The following COX7B2 variants were observed in gnomAD, a reference collection of about 807,000 sequenced individuals.
The protein encoded by COX7B2 is cytochrome c oxidase subunit 7B2, mitochondrial.
For missense variants in COX7B2, 109 were observed against 95.9 expected, an observed-to-expected ratio of 1.14 and a Z score of -0.57; for synonymous variants, 37 against 32.1, an observed-to-expected ratio of 1.15 and a Z score of -0.51.
At chr4:46,863,681 A>G (rs964654780) in intron 1 of COX7B2, among the ~76,000 whole-genome samples, 4 of 152,140 alleles carry the variant, frequency 2.6e-5, no homozygotes, top group Non-Finnish European at 5.9e-5. Context: ...TAATACGATA[A>G]TGCTCCAGCT....
At chr4:46,891,915 C>T (rs1371494372) in intron 1 of COX7B2, among the ~76,000 whole-genome samples, 3 of 152,156 alleles carry the variant, frequency 2.0e-5, no homozygotes, top group Non-Finnish European at 4.4e-5. Flanking sequence ...TCTTTTGGTC[C>T]AGCTCTGCGA....
chr4:46,906,484 T>G (rs903687948), intron 1 of COX7B2, among the ~76,000 whole-genome samples: 1 of 152,270 alleles, frequency 6.6e-6, no homozygotes, highest in Non-Finnish European at 1.5e-5. Context: ...TTAACTGTTC[T>G]TAGCTATGTA....
At chr4:46,851,995 G>A (rs1716721655) in intron 1 of COX7B2, among the ~76,000 whole-genome samples, 3 of 152,096 alleles carry the variant, frequency 2.0e-5, no homozygotes, top group East Asian at 3.9e-4. Context: ...TTGAAACTAT[G>A]CAAAATCCTG....
chr4:46,846,608 C>T (rs1716295128), intron 1 of COX7B2, among the ~76,000 whole-genome samples: 1 of 151,590 alleles, frequency 6.6e-6, no homozygotes, highest in Non-Finnish European at 1.5e-5. Context: ...TGAGAGGGTA[C>T]CTGAGCTGCT....
At chr4:46,883,404 G>A (rs1296717372) in intron 1 of COX7B2, among the ~76,000 whole-genome samples, 1 of 151,170 alleles carries the variant, frequency 6.6e-6, no homozygotes, top group Non-Finnish European at 1.5e-5. Context: ...TTTTGCACTA[G>A]TATTTTCTGA....
At chr4:46,771,370 G>A (rs1716868477) in intron 2 of COX7B2, among the ~76,000 whole-genome samples, 1 of 152,074 alleles carries the variant, frequency 6.6e-6, no homozygotes, top group Non-Finnish European at 1.5e-5. Flanking sequence ...TGGTGGACAT[G>A]TAAGTTGGTA....
chr4:46,742,713 T>C (rs1714790868), intron 2 of COX7B2, among the ~76,000 whole-genome samples: 1 of 152,114 alleles, frequency 6.6e-6, no homozygotes, highest in Admixed American at 6.6e-5. Context: ...CAGTGAATTG[T>C]TATGCCTGGA....
chr4:46,837,454 T>C (rs1385544867), intron 2 of COX7B2, among the ~76,000 whole-genome samples: 1 of 152,012 alleles, frequency 6.6e-6, no homozygotes, highest in Non-Finnish European at 1.5e-5. Flanking sequence ...ATATGAAACA[T>C]CTAGAATAGG....
chr4:46,904,092 T>C (rs1342879975), intron 1 of COX7B2: 2 of 152,138 alleles, frequency 1.3e-5, no homozygotes, highest in Admixed American at 6.5e-5. Flanking sequence ...AAGATTTAAA[T>C]GTACAAAGGG....
chr4:46,823,757 G>A (rs1450505753), intron 2 of COX7B2, among the ~76,000 whole-genome samples: 1 of 151,520 alleles, frequency 6.6e-6, no homozygotes, highest in East Asian at 1.9e-4. Context: ...GTAAAGATTA[G>A]AGTGGAAATC....
At chr4:46,824,185 A>ACCC (rs1714508346) in intron 2 of COX7B2, among the ~76,000 whole-genome samples, 1 of 152,164 alleles carries the variant, frequency 6.6e-6, no homozygotes, top group African/African-American at 2.4e-5. Context: ...ATAGCCTACC[A>ACCC]TTACCAAAAA....
intron 1 of COX7B2, among the ~76,000 whole-genome samples, chr4:46,907,038 G>A (rs1720433951): frequency 6.6e-6 from 1 of 152,160 alleles, no homozygotes; most frequent in South Asian, 2.1e-4. Flanking sequence ...TCCCTTAACA[G>A]TGACTTCTTA....
chr4:46,865,774 T>C (rs1717626755), intron 1 of COX7B2, among the ~76,000 whole-genome samples: 2 of 152,160 alleles, frequency 1.3e-5, no homozygotes, highest in Admixed American at 1.3e-4. Flanking sequence ...ATCATCTTCT[T>C]GGTTGCCGAC....
intron 2 of COX7B2, among the ~76,000 whole-genome samples, chr4:46,801,314 C>T (rs1718644905): frequency 6.6e-6 from 1 of 152,102 alleles, no homozygotes; most frequent in Non-Finnish European, 1.5e-5. Context: ...CTTACAATAG[C>T]AAAGACAGGG....
chr4:46,803,204 T>C (rs1290250608), intron 2 of COX7B2, among the ~76,000 whole-genome samples: 3 of 152,136 alleles, frequency 2.0e-5, no homozygotes, highest in African/African-American at 7.2e-5. Context: ...TAACAACCTT[T>C]GGCAAAGTGC....
intron 1 of COX7B2, among the ~76,000 whole-genome samples, chr4:46,849,704 T>G (rs545456856): frequency 6.6e-6 from 1 of 152,124 alleles, no homozygotes; most frequent in African/African-American, 2.4e-5. Context: ...TTTTTTATTA[T>G]ACTTTAAGTT....
intron 1 of COX7B2, among the ~76,000 whole-genome samples, chr4:46,902,814 T>C (rs1244548695): frequency 6.6e-6 from 1 of 151,888 alleles, no homozygotes; most frequent in Non-Finnish European, 1.5e-5. Flanking sequence ...GAGGCAGAGG[T>C]TGCAGTGAGC....
intron 2 of COX7B2, among the ~76,000 whole-genome samples, chr4:46,769,140 T>G: frequency 6.6e-6 from 1 of 151,988 alleles, no homozygotes; most frequent in East Asian, 1.9e-4. Flanking sequence ...ATAATAAAAT[T>G]TTTTTAAAAA....
intron 2 of COX7B2, among the ~76,000 whole-genome samples, chr4:46,770,632 C>T (rs1291233084): frequency 6.6e-6 from 1 of 150,700 alleles, no homozygotes; most frequent in Admixed American, 6.7e-5. Flanking sequence ...GATATATAGA[C>T]CACCCACTGG....
Sources: allele counts gnomAD v4.1 joint callset (sites outside exome capture counted in the v4.1 genomes callset), GRCh38; gene constraint gnomAD v4.1.1; transcripts MANE v1.5; gene names NCBI Gene and HGNC (gene_info 2026-07-23, HGNC 2026-07-21).